Variants in TSPEAR observed in about 807,000 individuals in gnomAD.
The protein encoded by TSPEAR is thrombospondin-type laminin G domain and EAR repeat-containing protein.
Under a neutral mutation model 71.6 loss-of-function variants are expected in TSPEAR, and 69 were observed. The observed-to-expected ratio is 0.96, with a 90% confidence interval of 0.79 to 1.18. The LOEUF (loss-of-function observed/expected upper bound fraction) is 1.18. Ranked by LOEUF, TSPEAR falls within the 50% of genes most tolerant of loss-of-function variation. TSPEAR has a pLI of 0.00. For synonymous variants in TSPEAR, 402 were observed against 387.2 expected (o/e 1.04, Z -0.45); for missense variants, 971 against 894.9 (o/e 1.09, Z -1.09).
At chr21:44,658,566 T>C (rs1028658235) in intron 1 of TSPEAR, among the ~76,000 whole-genome samples, 3 of 152,206 alleles carry the variant, frequency 2.0e-5, no homozygotes, top group Non-Finnish European at 1.5e-5. Context: ...TTCATGTATT[T>C]CGTAAGTTCT....
At chr21:44,567,583 C>T (rs1467965743) in intron 2 of TSPEAR, among the ~76,000 whole-genome samples, 2 of 152,200 alleles carry the variant, frequency 1.3e-5, no homozygotes, top group African/African-American at 4.8e-5. Flanking sequence ...GTGCAAACCA[C>T]TAGCAAATGG....
chr21:44,555,523 G>C (rs781785861), intron 2 of TSPEAR, among the ~76,000 whole-genome samples: 1 of 152,224 alleles, frequency 6.6e-6, no homozygotes, highest in Non-Finnish European at 1.5e-5. Context: ...GTCCCACCCA[G>C]TGGGGAGACG....
At chr21:44,539,429 C>CATACAGCAGGCGGGCT (rs1569173591) in intron 2 of TSPEAR, 5 of 1,613,374 alleles carry the variant, frequency 3.1e-6, no homozygotes, top group Admixed American at 3.3e-5. Flanking sequence ...GCAGGCGGGC[C>CATACAGCAGGCGGGCT]GGCATACAGG....
intron 1 of TSPEAR, among the ~76,000 whole-genome samples, chr21:44,700,676 C>T (rs1987607356): frequency 6.6e-6 from 1 of 152,218 alleles, no homozygotes; most frequent in African/African-American, 2.4e-5. Context: ...TCAGCAGTGT[C>T]TGGTTAAACC....
At chr21:44,643,953 G>A (rs1984161910) in intron 1 of TSPEAR, among the ~76,000 whole-genome samples, 1 of 152,258 alleles carries the variant, frequency 6.6e-6, no homozygotes. Flanking sequence ...ACGAAAGGGA[G>A]TCAAATAAAA....
chr21:44,588,522 C>T (rs997644937), intron 1 of TSPEAR, among the ~76,000 whole-genome samples: 2 of 152,060 alleles, frequency 1.3e-5, no homozygotes, highest in Non-Finnish European at 2.9e-5. Context: ...AAATCCACTA[C>T]TGGGTATCTA....
At chr21:44,550,168 C>A (rs1464250575) in intron 2 of TSPEAR, among the ~76,000 whole-genome samples, 1 of 152,244 alleles carries the variant, frequency 6.6e-6, no homozygotes, top group African/African-American at 2.4e-5. Context: ...CCCCACAGGA[C>A]CTGGGAGGGG....
chr21:44,702,178 A>G, intron 1 of TSPEAR: 2 of 1,486,038 alleles, frequency 1.3e-6, no homozygotes, highest in Admixed American at 3.9e-5. Flanking sequence ...ACCACCATCC[A>G]CCCCACAGAG....
At chr21:44,616,830 C>A (rs116448451) in intron 1 of TSPEAR, among the ~76,000 whole-genome samples, 1 of 152,254 alleles carries the variant, frequency 6.6e-6, no homozygotes, top group Non-Finnish European at 1.5e-5. Flanking sequence ...GCCTCTGCTC[C>A]GGTCACGCCT....
Position 44,612,860 on chromosome 21 carries a change from T to A in TSPEAR, c.83-44855A>T, listed in dbSNP as rs146808727. The A allele has an allele frequency of 1.1e-4, 184 of 1,612,030 alleles. 1 individual carries two copies. The African/African-American group carries it at 2.3e-3, about 20-fold the overall frequency. On this transcript the variant is annotated intron_variant, in intron 1 of 11. Transcript: ENST00000323084. The surrounding 1 kb of genome is among the most constrained non-coding windows in gnomAD (Gnocchi z 4.1). ...CCTGTCCTTCCTCTGCCGCCCCGCGTGCTCCCGCCTGGCCTGCTGAGGCCT... is the reference window on the plus strand; with the variant it reads ...CCTGTCCTTCCTCTGCCGCCCCGCGAGCTCCCGCCTGGCCTGCTGAGGCCT...
intron 1 of TSPEAR, among the ~76,000 whole-genome samples, chr21:44,704,140 C>T (rs1180416240): frequency 7.2e-5 from 11 of 152,134 alleles, no homozygotes; most frequent in African/African-American, 2.4e-4. Flanking sequence ...GCAATTAGAA[C>T]AGGGTTGGTG....
chr21:44,677,361 A>G (rs1986365442), intron 1 of TSPEAR: 1 of 1,395,400 alleles, frequency 7.2e-7, no homozygotes, highest in Non-Finnish European at 1.0e-6. Context: ...GGCTTTCAAT[A>G]TGTTGGAGTG....
intron 1 of TSPEAR, chr21:44,666,910 C>T (rs55914221): frequency 1.1e-4 from 179 of 1,606,374 alleles, no homozygotes; most frequent in Non-Finnish European, 1.3e-4. Flanking sequence ...TGGATAAGGT[C>T]GAGGCAGAGG....
chr21:44,575,045 G>A lies in TSPEAR; in HGVS notation c.83-7040C>T, dbSNP rs967768864. 22 of 1,571,534 alleles carry A rather than the reference G, an allele frequency of 1.4e-5. No homozygotes were observed. In the African/African-American group the frequency reaches 2.7e-4, roughly 19 times the overall value. On this transcript the variant is annotated intron_variant, in intron 1 of 11. Transcript: ENST00000323084. ...GCTGCTGATGGACACGCCCCCCAGTGCCAGCCAGGCTCAGGTCCCACCTGA... is the reference window on the plus strand; with the variant it reads ...GCTGCTGATGGACACGCCCCCCAGTACCAGCCAGGCTCAGGTCCCACCTGA...
intron 5 of TSPEAR, among the ~76,000 whole-genome samples, chr21:44,529,384 G>T (rs1397290182): frequency 1.3e-5 from 2 of 152,362 alleles, no homozygotes; most frequent in African/African-American, 2.4e-5. Flanking sequence ...GCCCGACTGG[G>T]GCGGGCTGGT....
chr21:44,666,527 G>T (rs782091074), intron 1 of TSPEAR: 6 of 1,613,012 alleles, frequency 3.7e-6, no homozygotes, highest in Non-Finnish European at 5.1e-6. Flanking sequence ...CAGAGGACTG[G>T]CAGGACGGAG....
At chr21:44,637,499 G>A (rs1163289555) in intron 1 of TSPEAR, 8 of 1,613,168 alleles carry the variant, frequency 5.0e-6, no homozygotes, top group South Asian at 1.1e-5. Context: ...GAGCTGCTGC[G>A]AGCCCTGCTG....
At position 44,612,636 on chromosome 21, in the gene TSPEAR, T is replaced by C; in HGVS notation, c.83-44631A>G. ...TGCAAGCCCATCTGCTGTGTGCCTGTCTGCTCTGGGGCTTCCTCTCTGTGC... is the reference window on the plus strand; with the variant it reads ...TGCAAGCCCATCTGCTGTGTGCCTGCCTGCTCTGGGGCTTCCTCTCTGTGC... On this transcript the variant is annotated intron_variant, in intron 1 of 11. Coordinates refer to ENST00000323084, the MANE Select transcript of TSPEAR (RefSeq NM_144991.3). The surrounding 1 kb of genome is among the most constrained non-coding windows in gnomAD (Gnocchi z 4.1). The C allele has an allele frequency of 1.2e-6, 2 of 1,613,348 alleles. No individual in the cohort carries two copies. The highest frequency in any genetic ancestry group is 1.7e-6 in the Non-Finnish European group (2 of 1,179,898).
intron 3 of TSPEAR, among the ~76,000 whole-genome samples, 180 bp from the exon 4 acceptor site, chr21:44,531,313 G>C (rs2052966389): frequency 6.6e-6 from 1 of 152,218 alleles, no homozygotes; most frequent in African/African-American, 2.4e-5. Flanking sequence ...GCCTGGATCA[G>C]GCTGGGGCAG....
Sources: gnomAD v4.1 joint callset for allele counts (sites outside exome capture counted in the v4.1 genomes callset) on GRCh38, gnomAD v4.1.1 for gene constraint, Gnocchi (gnomAD v3.1) non-coding constraint, MANE v1.5 for transcripts, NCBI Gene and HGNC (gene_info 2026-07-23, HGNC 2026-07-21) for gene names.